Variants in LRRC4C observed in about 807,000 individuals in gnomAD.
The protein encoded by LRRC4C is leucine rich repeat containing 4C.
LRRC4C carries 5 observed loss-of-function variants against 33.6 expected under a neutral mutation model. The ratio of observed to expected loss-of-function variants is 0.15; its 90% CI spans 0.08 to 0.31. LRRC4C has a LOEUF of 0.31. Ranked by LOEUF, LRRC4C falls within the 10% of genes least tolerant of loss-of-function variation. LRRC4C has a pLI of 1.00. For missense variants in LRRC4C, 560 were observed against 796.7 expected (o/e 0.70, Z 3.58); for synonymous variants, 329 against 302.0 (o/e 1.09, Z -0.93).
chr11:41,453,903 A>G (rs980095271), intron 1 of LRRC4C, among the ~76,000 whole-genome samples: 4 of 152,116 alleles, frequency 2.6e-5, no homozygotes, highest in African/African-American at 9.7e-5. Context: ...GAGGCCAATG[A>G]ACTTGTGTTT....
intron 2 of LRRC4C, among the ~76,000 whole-genome samples, chr11:40,861,124 T>A (rs1450517012): frequency 6.6e-6 from 1 of 152,170 alleles, no homozygotes; most frequent in Non-Finnish European, 1.5e-5. Flanking sequence ...AGTTTTTATA[T>A]ATTATAATAC....
intron 5 of LRRC4C, among the ~76,000 whole-genome samples, chr11:40,157,319 A>T (rs1353420067): frequency 6.6e-6 from 1 of 152,188 alleles, no homozygotes; most frequent in Non-Finnish European, 1.5e-5. Flanking sequence ...AGAAGACAAC[A>T]TTGGAAAAAC....
At chr11:40,879,053 A>G (rs913837044) in intron 2 of LRRC4C, among the ~76,000 whole-genome samples, 5 of 152,140 alleles carry the variant, frequency 3.3e-5, no homozygotes, top group African/African-American at 9.7e-5. Context: ...AAAACATATC[A>G]TCTATAATAA....
intron 1 of LRRC4C, among the ~76,000 whole-genome samples, chr11:41,008,207 A>G (rs1196770849): frequency 2.0e-5 from 3 of 152,006 alleles, no homozygotes; most frequent in African/African-American, 4.8e-5. Context: ...TTTCTCTACA[A>G]TCCATACCAC....
rs570578261 is a variant in LRRC4C at position 40,994,770 on chromosome 11, G to A, written c.-495-61047C>T. Among the ~76,000 whole-genome samples the A allele has an allele frequency of 3.3e-5, 5 of 151,238 alleles. No homozygotes were observed. In the South Asian group the frequency reaches 6.3e-4, roughly 19 times the overall value. On this transcript the variant is annotated intron_variant, in intron 1 of 6. Coordinates refer to ENST00000528697, the MANE Select transcript of LRRC4C (RefSeq NM_001258419.2). The stretch of plus-strand genomic sequence containing the variant: ...ATGGGCTCTTTCCTTTACTCTCGCC[G>A]GTTTTTTCTTTACTGTCTCTTTAAG...
intron 1 of LRRC4C, among the ~76,000 whole-genome samples, chr11:41,337,054 T>A (rs539195823): frequency 1.3e-5 from 2 of 150,818 alleles, no homozygotes; most frequent in African/African-American, 2.4e-5. Flanking sequence ...TTCTTTTTCT[T>A]TTTTTTTTGA....
chr11:40,463,905 T>C (rs1952529309), intron 3 of LRRC4C, among the ~76,000 whole-genome samples: 1 of 152,062 alleles, frequency 6.6e-6, no homozygotes, highest in African/African-American at 2.4e-5. Flanking sequence ...TCCACCGAAT[T>C]CTATTATCCC....
At chr11:41,203,380 T>C (rs1021545267) in intron 1 of LRRC4C, among the ~76,000 whole-genome samples, 4 of 152,214 alleles carry the variant, frequency 2.6e-5, no homozygotes, top group Non-Finnish European at 5.9e-5. Context: ...ATTCAAATAC[T>C]GGACCGTTTT....
At chr11:40,893,818 A>AACACACAC (rs55810825) in intron 2 of LRRC4C, among the ~76,000 whole-genome samples, 4 of 70,054 alleles carry the variant, frequency 5.7e-5, no homozygotes, top group African/African-American at 1.1e-4. Flanking sequence ...TACGTATTAT[A>AACACACAC]ACACACACAC....
intron 1 of LRRC4C, among the ~76,000 whole-genome samples, chr11:41,079,317 T>G (rs916297221): frequency 4.6e-5 from 7 of 152,182 alleles, no homozygotes; most frequent in Admixed American, 2.6e-4. Context: ...TAGCAATATC[T>G]ACCAGAGAGA....
chr11:40,653,462 C>T (rs1440250913), intron 2 of LRRC4C, among the ~76,000 whole-genome samples: 2 of 152,034 alleles, frequency 1.3e-5, no homozygotes, highest in African/African-American at 4.8e-5. Flanking sequence ...TTGTCCCAGC[C>T]CTGGAGATCT....
At chr11:40,758,904 A>G (rs1034056223) in intron 2 of LRRC4C, among the ~76,000 whole-genome samples, 2 of 151,922 alleles carry the variant, frequency 1.3e-5, no homozygotes, top group African/African-American at 2.4e-5. Context: ...AATGAAATTC[A>G]GGATCACAGA....
At chr11:41,130,252 C>G in intron 1 of LRRC4C, among the ~76,000 whole-genome samples, 1 of 151,880 alleles carries the variant, frequency 6.6e-6, no homozygotes, top group East Asian at 1.9e-4. Flanking sequence ...TTGCTAATTC[C>G]TATGTTCTAG....
At chr11:41,248,423 A>T (rs1327477124) in intron 1 of LRRC4C, among the ~76,000 whole-genome samples, 1 of 152,140 alleles carries the variant, frequency 6.6e-6, no homozygotes, top group African/African-American at 2.4e-5. Flanking sequence ...TCCTTGGTTT[A>T]CTTGACCTAT....
intron 3 of LRRC4C, among the ~76,000 whole-genome samples, chr11:40,378,651 T>C (rs1409838890): frequency 2.6e-5 from 4 of 152,104 alleles, no homozygotes; most frequent in Non-Finnish European, 5.9e-5. Flanking sequence ...AGTGACTGTA[T>C]TGTCATACAT....
intron 2 of LRRC4C, among the ~76,000 whole-genome samples, chr11:40,717,031 AC>A (rs1375800281): frequency 2.0e-5 from 3 of 152,060 alleles, no homozygotes; most frequent in Non-Finnish European, 4.4e-5. Flanking sequence ...TTTTGTTCTC[AC>A]CCTGGAAGAT....
intron 1 of LRRC4C, among the ~76,000 whole-genome samples, chr11:41,416,438 A>T (rs1226438467): frequency 6.6e-6 from 1 of 152,066 alleles, no homozygotes; most frequent in African/African-American, 2.4e-5. Context: ...CCAAGAAAGG[A>T]ACATCAGGCC....
intron 3 of LRRC4C, among the ~76,000 whole-genome samples, chr11:40,494,220 A>G (rs1954310656): frequency 6.6e-6 from 1 of 152,128 alleles, no homozygotes; most frequent in Admixed American, 6.6e-5. Context: ...AAGCATTGCA[A>G]AATTACTGGG....
At chr11:40,916,558 G>C (rs1365311403) in intron 2 of LRRC4C, among the ~76,000 whole-genome samples, 2 of 152,084 alleles carry the variant, frequency 1.3e-5, no homozygotes, top group Non-Finnish European at 2.9e-5. Context: ...GGGGTGGTGG[G>C]AGGTGGGAGG....
Sources: allele counts gnomAD v4.1 joint callset (sites outside exome capture counted in the v4.1 genomes callset), GRCh38; gene constraint gnomAD v4.1.1; transcripts MANE v1.5; gene names NCBI Gene and HGNC (gene_info 2026-07-23, HGNC 2026-07-21).